Variants in LRP1B observed in about 807,000 individuals in gnomAD.
The protein encoded by LRP1B is LDL receptor related protein 1B.
Under a neutral mutation model 556.6 loss-of-function variants are expected in LRP1B, and 217 were observed. The ratio of observed to expected loss-of-function variants is 0.39; its 90% confidence interval spans 0.35 to 0.44. The LOEUF is 0.44. Among genes scored for constraint, LRP1B ranks in the 20% least tolerant of loss-of-function variants. LRP1B has a pLI of 1.00. For missense variants in LRP1B, 5,053 were observed against 5,620.8 expected (o/e 0.90, Z 3.23); for synonymous variants, 2,047 against 1,865.8 (o/e 1.10, Z -2.50).
At chr2:141,470,397 C>A (rs570721832) in intron 3 of LRP1B, among the ~76,000 whole-genome samples, 2 of 152,270 alleles carry the variant, frequency 1.3e-5, no homozygotes, top group Non-Finnish European at 2.9e-5. Context: ...GTTTGCTCAG[C>A]ACATTTTTTT....
At chr2:142,081,914 G>T (rs1705733063) in intron 1 of LRP1B, among the ~76,000 whole-genome samples, 1 of 152,190 alleles carries the variant, frequency 6.6e-6, no homozygotes, top group Non-Finnish European at 1.5e-5. Flanking sequence ...AGGGTAAAAA[G>T]TGGGACCTGG....
intron 37 of LRP1B, among the ~76,000 whole-genome samples, chr2:140,712,107 A>T (rs1687049319): frequency 6.6e-6 from 1 of 152,028 alleles, no homozygotes; most frequent in Admixed American, 6.6e-5. Context: ...TCTTTGGAGG[A>T]TTATCCTGGG....
chr2:141,957,387 G>T (rs112698155), intron 1 of LRP1B, among the ~76,000 whole-genome samples: 4,883 of 117,700 alleles, frequency 0.041, 138 homozygotes, highest in African/African-American at 0.066. Flanking sequence ...TGTGTGTGGG[G>T]GGGGGGGGGC....
intron 7 of LRP1B, among the ~76,000 whole-genome samples, chr2:141,143,678 C>T (rs1382902317): frequency 6.6e-6 from 1 of 152,076 alleles, no homozygotes; most frequent in Non-Finnish European, 1.5e-5. Context: ...ATCAGAACTG[C>T]CTTTTCTCAC....
chr2:140,989,260 G>A (rs541994051), intron 17 of LRP1B, among the ~76,000 whole-genome samples: 1 of 152,130 alleles, frequency 6.6e-6, no homozygotes, highest in South Asian at 2.1e-4. Context: ...GATTTAGTAG[G>A]GACAAGTCTT....
intron 1 of LRP1B, among the ~76,000 whole-genome samples, chr2:142,123,811 T>C (rs1240666624): frequency 6.6e-6 from 1 of 151,916 alleles, no homozygotes; most frequent in Non-Finnish European, 1.5e-5. Context: ...GAGAAACTTT[T>C]ATATACGAGC....
chr2:141,445,947 A>C (rs539518306), intron 3 of LRP1B, among the ~76,000 whole-genome samples: 1 of 152,218 alleles, frequency 6.6e-6, no homozygotes, highest in East Asian at 1.9e-4. Flanking sequence ...CTTCGTCTGG[A>C]GCTGAGTTCA....
intron 1 of LRP1B, among the ~76,000 whole-genome samples, chr2:141,952,340 G>A (rs1002542974): frequency 6.6e-6 from 1 of 152,100 alleles, no homozygotes; most frequent in African/African-American, 2.4e-5. Flanking sequence ...ATAGCAGCAT[G>A]ATTTATAATC....
At chr2:141,087,270 T>C (rs1274718416) in intron 7 of LRP1B, among the ~76,000 whole-genome samples, 1 of 152,126 alleles carries the variant, frequency 6.6e-6, no homozygotes, top group Non-Finnish European at 1.5e-5. Context: ...GTGCTCCCTT[T>C]CTTCCCATCT....
At chr2:141,221,614 C>T (rs1189279833) in intron 6 of LRP1B, among the ~76,000 whole-genome samples, 2 of 152,156 alleles carry the variant, frequency 1.3e-5, no homozygotes, top group Non-Finnish European at 2.9e-5. Context: ...CCCAAAACAT[C>T]AGAATATACA....
chr2:140,247,087 T>A lies in LRP1B; in HGVS notation c.13323A>T (p.Thr4441=), dbSNP rs748489892. ...AAAATATTAATCTGAGAAACTTACT[T>A]GTGCTGATATGATCAGACTTGCTGC... The part of the protein sequence containing the change: ...PKSSKSDHIS[T]RSIAIIVPLV... The change falls in exon 87 of 91, where the codon ACA becomes ACT. Residue 4441 remains threonine (T), a splice_region_variant and synonymous_variant. Coordinates refer to ENST00000389484, the MANE Select transcript of LRP1B (RefSeq NM_018557.3). 1 of 1,607,348 alleles carries A rather than the reference T, an allele frequency of 6.2e-7. No individual in the cohort carries two copies. The highest frequency in any genetic ancestry group is 8.5e-7 in the Non-Finnish European group (1 of 1,175,050).
intron 7 of LRP1B, among the ~76,000 whole-genome samples, chr2:141,099,479 T>C (rs532321940): frequency 6.6e-6 from 1 of 152,346 alleles, no homozygotes; most frequent in East Asian, 1.9e-4. Flanking sequence ...TCAGTTCTCA[T>C]AGGGCAATGA....
At chr2:141,645,912 A>C (rs1302322536) in intron 2 of LRP1B, among the ~76,000 whole-genome samples, 1 of 152,166 alleles carries the variant, frequency 6.6e-6, no homozygotes, top group African/African-American at 2.4e-5. Context: ...GATTTAAAAA[A>C]AGTAATGAAT....
At chr2:141,703,401 C>A (rs1558815322) in intron 2 of LRP1B, among the ~76,000 whole-genome samples, 1 of 151,860 alleles carries the variant, frequency 6.6e-6, no homozygotes, top group Non-Finnish European at 1.5e-5. Flanking sequence ...CTCATGTTAG[C>A]CTGTTTTTAT....
intron 53 of LRP1B, among the ~76,000 whole-genome samples, chr2:140,505,365 C>A (rs116146854): frequency 6.6e-6 from 1 of 152,124 alleles, no homozygotes. Context: ...CCACACACCA[C>A]GCTCTCTAGC....
At position 142,130,657 on chromosome 2, in the gene LRP1B, C is replaced by T. The variant is rs1358245197; in HGVS notation, c.73G>A (p.Ala25Thr). The change falls in exon 1 of 91, where the codon GCC (alanine) becomes ACC (threonine). Residue 25 changes from alanine to threonine, a missense_variant. Around this residue, in one of 5 missense-constraint regions of LRP1B, gnomAD observed 3,619 missense variants for 3,931.9 expected, o/e 0.92. Transcript: ENST00000389484. ...GAGGTGTTCTCCTTACCTCGGTCGG[C>T]TCCCACGGTCAGCACCCTGGCAATC... ...LPIARVLTVG[A>T]DRDQQLCDPG... is the part of the protein sequence containing the mutation. The T allele has an allele frequency of 6.2e-7, 1 of 1,611,800 alleles. No homozygotes were observed. Among genetic ancestry groups the T allele is most frequent in the Admixed American group, 1.7e-5 (1 of 59,872 alleles).
chr2:142,031,488 C>A (rs1703706770), intron 1 of LRP1B, among the ~76,000 whole-genome samples: 1 of 100,914 alleles, frequency 9.9e-6, no homozygotes, highest in Non-Finnish European at 1.9e-5. Context: ...CCTCCCCCCT[C>A]CCCCGACCCC....
chr2:140,790,261 G>C (rs1690069512), intron 32 of LRP1B, among the ~76,000 whole-genome samples: 1 of 151,934 alleles, frequency 6.6e-6, no homozygotes, highest in Non-Finnish European at 1.5e-5. Context: ...GGAAATTCTG[G>C]TCTGGAAAAA....
chr2:141,442,189 C>T (rs1681002981), intron 3 of LRP1B, among the ~76,000 whole-genome samples: 1 of 152,134 alleles, frequency 6.6e-6, no homozygotes, highest in South Asian at 2.1e-4. Context: ...GCAACCATCT[C>T]TGTAACAAGA....
Sources: allele counts gnomAD v4.1 joint callset (sites outside exome capture counted in the v4.1 genomes callset), GRCh38; gene constraint gnomAD v4.1.1; regional missense constraint gnomAD v4.1.1; transcripts MANE v1.5; gene names NCBI Gene and HGNC (gene_info 2026-07-23, HGNC 2026-07-21).